Variants in ADAMTSL1 observed in about 807,000 individuals in gnomAD.
The protein encoded by ADAMTSL1 is ADAMTS-like protein 1.
In ADAMTSL1, 126 loss-of-function variants were observed where a neutral mutation model predicts 201.8. That is an observed-to-expected ratio of 0.62 (90% CI 0.54 to 0.72). The LOEUF is 0.72. Among genes scored for constraint, ADAMTSL1 ranks in the 30% least tolerant of loss-of-function variants. The pLI is 0.00. For missense variants in ADAMTSL1, 2,679 were observed against 2,277.8 expected, an observed-to-expected ratio of 1.18 and a Z score of -3.59; for synonymous variants, 1,121 against 903.4, an observed-to-expected ratio of 1.24 and a Z score of -4.32.
chr9:18,412,224 A>G (rs949995985), intron 2 of ADAMTSL1, among the ~76,000 whole-genome samples: 72 of 152,310 alleles, frequency 4.7e-4, no homozygotes, highest in African/African-American at 1.7e-3. Flanking sequence ...AGAACACTTC[A>G]TAAGTGGAAC....
At chr9:18,167,657 C>A (rs1472506683) in intron 2 of ADAMTSL1, among the ~76,000 whole-genome samples, 1 of 151,892 alleles carries the variant, frequency 6.6e-6, no homozygotes, top group Non-Finnish European at 1.5e-5. Flanking sequence ...ATTCACTCAA[C>A]CAATACATAC....
chr9:18,069,309 C>T (rs1489010194), intron 1 of ADAMTSL1, among the ~76,000 whole-genome samples: 3 of 152,058 alleles, frequency 2.0e-5, no homozygotes, highest in African/African-American at 7.2e-5. Flanking sequence ...TTTTAGTTTA[C>T]TTTTTTCTAA....
At chr9:17,983,316 G>A (rs1283033263) in intron 1 of ADAMTSL1, among the ~76,000 whole-genome samples, 7 of 151,872 alleles carry the variant, frequency 4.6e-5, no homozygotes, top group Admixed American at 3.3e-4. Flanking sequence ...TGATCTGCCC[G>A]CCTCAGCCTC....
intron 1 of ADAMTSL1, among the ~76,000 whole-genome samples, chr9:18,031,287 T>G (rs1820944192): frequency 6.6e-6 from 1 of 152,200 alleles, no homozygotes; most frequent in African/African-American, 2.4e-5. Context: ...TTATTTTCCT[T>G]TTTGAAATTG....
intron 26 of ADAMTSL1, among the ~76,000 whole-genome samples, chr9:18,897,349 T>C (rs1317397931): frequency 1.3e-5 from 2 of 152,140 alleles, no homozygotes; most frequent in Admixed American, 6.5e-5. Flanking sequence ...ACAGCACAGC[T>C]GTTCTACCAA....
intron 2 of ADAMTSL1, among the ~76,000 whole-genome samples, chr9:18,294,745 G>T (rs181819325): frequency 2.6e-5 from 4 of 152,268 alleles, no homozygotes; most frequent in Admixed American, 6.5e-5. Flanking sequence ...TCATTTTGAA[G>T]AATTTTTCAG....
At chr9:18,210,483 A>G (rs901966079) in intron 2 of ADAMTSL1, among the ~76,000 whole-genome samples, 7 of 147,292 alleles carry the variant, frequency 4.8e-5, no homozygotes, top group African/African-American at 1.7e-4. Flanking sequence ...TGATATATAA[A>G]TAAATATATA....
At chr9:18,206,823 C>T (rs538385730) in intron 2 of ADAMTSL1, among the ~76,000 whole-genome samples, 6 of 151,996 alleles carry the variant, frequency 3.9e-5, no homozygotes, top group Non-Finnish European at 7.4e-5. Context: ...TCTCTTGACC[C>T]GGACAGAATT....
In ADAMTSL1 at chr9:18,777,855, G is replaced by A. The variant is rs1198361417; in HGVS notation, c.3626G>A (p.Arg1209Lys). 1 of 1,586,876 alleles carries A rather than the reference G, an allele frequency of 6.3e-7. No individual in the cohort carries two copies. The highest frequency in any genetic ancestry group is 8.6e-7 in the Non-Finnish European group (1 of 1,161,850). ...LLHCEAIGHP[R>K]PTISWARNGE... ...CACTGTGAGGCCATCGGCCACCCAA[G>A]GCCTACCATCAGCTGGGCCAGGAAT... Residue 1209 changes from arginine to lysine, a missense_variant, in exon 19 of 29, where the codon AGG becomes AAG. Physicochemically the swap from Arg to Lys is conservative, Grantham distance 26. Transcript: ENST00000380548.
intron 14 of ADAMTSL1, 69 bp from the exon 15 acceptor site, chr9:18,721,467 C>T: frequency 6.3e-7 from 1 of 1,582,032 alleles, no homozygotes. Flanking sequence ...GCTGCCTTGT[C>T]TACACTTCAT....
chr9:18,507,982 C>T (rs1231298296), intron 2 of ADAMTSL1, among the ~76,000 whole-genome samples: 1 of 152,000 alleles, frequency 6.6e-6, no homozygotes, highest in Non-Finnish European at 1.5e-5. Flanking sequence ...GTCAAGAGTT[C>T]AAGACAAGCC....
chr9:18,179,818 C>A (rs1433219570), intron 2 of ADAMTSL1, among the ~76,000 whole-genome samples: 5 of 152,078 alleles, frequency 3.3e-5, no homozygotes, highest in East Asian at 1.9e-4. Flanking sequence ...TACAGACAAG[C>A]AAATGCTGAG....
chr9:18,088,041 G>A (rs75598667), intron 1 of ADAMTSL1, among the ~76,000 whole-genome samples: 2 of 152,190 alleles, frequency 1.3e-5, no homozygotes, highest in Non-Finnish European at 1.5e-5. Flanking sequence ...CTATGTATTT[G>A]CATAAGTACA....
intron 14 of ADAMTSL1, among the ~76,000 whole-genome samples, chr9:18,709,354 T>C (rs1286433850): frequency 1.3e-5 from 2 of 152,210 alleles, no homozygotes; most frequent in Admixed American, 1.3e-4. Context: ...TATATATATT[T>C]TTAATTATTT....
intron 13 of ADAMTSL1, among the ~76,000 whole-genome samples, chr9:18,693,639 C>G (rs1831371883): frequency 6.6e-6 from 1 of 152,138 alleles, no homozygotes; most frequent in African/African-American, 2.4e-5. Flanking sequence ...AGCACAGTAC[C>G]AAGTCAATCA....
At chr9:18,642,178 G>A (rs993558549) in intron 7 of ADAMTSL1, among the ~76,000 whole-genome samples, 1 of 151,990 alleles carries the variant, frequency 6.6e-6, no homozygotes, top group African/African-American at 2.4e-5. Flanking sequence ...TCTTCACAGA[G>A]AGCTATCCAA....
intron 23 of ADAMTSL1, among the ~76,000 whole-genome samples, chr9:18,849,799 AG>A (rs1725722820): frequency 6.6e-6 from 1 of 152,242 alleles, no homozygotes; most frequent in Admixed American, 6.5e-5. Context: ...GCTATTAAGA[AG>A]AAAGGTCAGC....
At chr9:18,721,511 G>T (rs1833370204) in intron 14 of ADAMTSL1, 25 bp from the exon 15 acceptor site, 1 of 1,612,298 alleles carries the variant, frequency 6.2e-7, no homozygotes, top group African/African-American at 1.3e-5. Flanking sequence ...TTGCACTCTG[G>T]CCTGACCGTG....
At position 18,509,040 on chromosome 9, in the gene ADAMTSL1, C is replaced by T. The variant is rs540641789; in HGVS notation, c.191+4084C>T. Among the ~76,000 whole-genome samples the T allele has an allele frequency of 7.7e-3, 1,001 of 129,564 alleles. 128 individuals are homozygous for T. Among genetic ancestry groups the T allele is most frequent in the African/African-American group, 0.031 (960 of 31,272 alleles). 85.0% of individuals were successfully genotyped at this position (129,564 alleles called of 152,430 possible). A position where few individuals can be genotyped will look rare whatever the true frequency, so the allele number is the denominator to read the frequency against. ...TCTACTAAAAATACAAAAAATTAGC[C>T]GGGCGCGGTGGCGGGCGCCTGTAGT... On this transcript the variant is annotated intron_variant, in intron 2 of 28. Coordinates refer to ENST00000380548, the MANE Select transcript of ADAMTSL1 (RefSeq NM_001040272.6).
Sources: gnomAD v4.1 joint callset for allele counts (sites outside exome capture counted in the v4.1 genomes callset) on GRCh38, gnomAD v4.1.1 for gene constraint, MANE v1.5 for transcripts, NCBI Gene and HGNC (gene_info 2026-07-23, HGNC 2026-07-21) for gene names.